Variants in FAM184B observed in about 807,000 individuals in gnomAD.
The protein encoded by FAM184B is family with sequence similarity 184 member B, also known as protein FAM184B.
FAM184B carries 111 observed loss-of-function variants against 135.9 expected under a neutral mutation model. The observed-to-expected ratio is 0.82, with a 90% confidence interval of 0.70 to 0.96. FAM184B has a LOEUF of 0.96. FAM184B is among the 40% of genes least tolerant of loss of function. The probability of loss-of-function intolerance (pLI) is 0.00; values close to 1 mark genes in which losing one functional copy is unlikely to be tolerated. For missense variants in FAM184B, 1,375 were observed against 1,323.9 expected, an observed-to-expected ratio of 1.04 and a Z score of -0.60; for synonymous variants, 552 against 524.8, an observed-to-expected ratio of 1.05 and a Z score of -0.71.
At chr4:17,720,655 A>AG (rs781360678) in intron 1 of FAM184B, among the ~76,000 whole-genome samples, 136 of 152,038 alleles carry the variant, frequency 8.9e-4, no homozygotes, top group Admixed American at 2.1e-3. Flanking sequence ...TGGGAGGCTG[A>AG]GGGGGGCAGA....
intron 7 of FAM184B, among the ~76,000 whole-genome samples, chr4:17,665,057 A>G (rs1169785377): frequency 3.1e-4 from 47 of 152,226 alleles, no homozygotes; most frequent in Admixed American, 3.1e-3. Flanking sequence ...GGTTCCATGC[A>G]TAACCCTCAG....
At chr4:17,779,119 C>A (rs945249148) in intron 1 of FAM184B, among the ~76,000 whole-genome samples, 9 of 151,878 alleles carry the variant, frequency 5.9e-5, no homozygotes, top group Non-Finnish European at 1.0e-4. Context: ...TGATAGAAGG[C>A]AAGAATGGAA....
At chr4:17,750,999 C>T (rs1718278654) in intron 1 of FAM184B, among the ~76,000 whole-genome samples, 1 of 152,104 alleles carries the variant, frequency 6.6e-6, no homozygotes, top group Non-Finnish European at 1.5e-5. Context: ...GAGAAAGATT[C>T]ACTTACTGAT....
At chr4:17,651,273 C>T (rs1715608065) in intron 11 of FAM184B, among the ~76,000 whole-genome samples, 1 of 152,152 alleles carries the variant, frequency 6.6e-6, no homozygotes. Flanking sequence ...CGCAGTGGCT[C>T]ACGCCTGTAA....
intron 13 of FAM184B, among the ~76,000 whole-genome samples, chr4:17,640,455 G>A (rs1715277183): frequency 6.8e-6 from 1 of 147,432 alleles, no homozygotes; most frequent in Non-Finnish European, 1.5e-5. Flanking sequence ...CTGCACTCCA[G>A]CCTGGGCAAA....
chr4:17,774,959 G>A (rs767043468), intron 1 of FAM184B, among the ~76,000 whole-genome samples: 12 of 146,000 alleles, frequency 8.2e-5, no homozygotes, highest in South Asian at 2.2e-4. Context: ...CAGCTTCGAT[G>A]TGCATTTCCT....
chr4:17,729,016 G>A (rs1311830246), intron 1 of FAM184B, among the ~76,000 whole-genome samples: 6 of 152,216 alleles, frequency 3.9e-5, no homozygotes, highest in Non-Finnish European at 8.8e-5. Context: ...AGGGGTGACA[G>A]ACGGCACCTG....
intron 1 of FAM184B, among the ~76,000 whole-genome samples, chr4:17,745,449 G>C (rs1409152832): frequency 6.6e-6 from 1 of 152,140 alleles, no homozygotes; most frequent in South Asian, 2.1e-4. Flanking sequence ...TAGGTACCGC[G>C]GCCGGGCTAT....
intron 13 of FAM184B, among the ~76,000 whole-genome samples, chr4:17,641,377 G>A (rs1453806915): frequency 6.7e-6 from 1 of 150,154 alleles, no homozygotes; most frequent in East Asian, 2.0e-4. Context: ...CACCGTCTCC[G>A]TAAGGTTGGA....
chr4:17,772,892 T>A (rs546723337), intron 1 of FAM184B, among the ~76,000 whole-genome samples: 4 of 152,304 alleles, frequency 2.6e-5, no homozygotes, highest in African/African-American at 9.6e-5. Flanking sequence ...TATAGGCAGA[T>A]CACTCCAGGA....
chr4:17,781,149 C>T lies in FAM184B; in HGVS notation c.141+10G>A. ...CGTGCAGCTCGCTGGCCCGCTGCGC[C>T]CCACCTTACCTTGGTGAGCTGGGCG... On this transcript the variant is annotated intron_variant, in intron 1 of 17. Transcript: ENST00000265018. This position sits in a 1 kb window ranked among gnomAD's most constrained non-coding sequence, Gnocchi z 6.5. The T allele has an allele frequency of 2.0e-6, 3 of 1,533,952 alleles. No individual in the cohort carries two copies. The highest frequency in any genetic ancestry group is 1.8e-6 in the Non-Finnish European group (2 of 1,137,500).
chr4:17,637,183 C>T (rs923073655), intron 14 of FAM184B, among the ~76,000 whole-genome samples: 3 of 152,206 alleles, frequency 2.0e-5, no homozygotes, highest in South Asian at 2.1e-4. Context: ...CGCGCGCCAC[C>T]GTGCCAGGGA....
chr4:17,636,401 CAAGA>C, intron 15 of FAM184B, 123 bp downstream of exon 15: 1 of 771,834 alleles, frequency 1.3e-6, no homozygotes, highest in Non-Finnish European at 2.1e-6. Flanking sequence ...CCGCGCACGG[CAAGA>C]AAGGATTCTT....
At chr4:17,688,562 T>G in intron 6 of FAM184B, 31 bp from the exon 7 acceptor site, 1 of 1,487,650 alleles carries the variant, frequency 6.7e-7, no homozygotes, top group Non-Finnish European at 9.1e-7. Context: ...CACCACACAA[T>G]GAAACCAGGT....
chr4:17,633,857 A>T lies in FAM184B; in HGVS notation c.2921T>A (p.Val974Glu). ...GGAGGCGAGGTTCGGCACGCTGACC[A>T]CGCGGCTGGGCACGTCCTCCACCTT... ...KKKVEDVPSR[V>E]VSVPNLASYA... The change falls in exon 17 of 18, where the codon GTG becomes GAG. Residue 974 changes from valine (V) to glutamate (E), a missense_variant. By Grantham distance (121) the Val-to-Glu change is moderately radical. Transcript: ENST00000265018. 1 of 1,551,042 alleles carries T rather than the reference A, an allele frequency of 6.4e-7. No individual in the cohort carries two copies. Among genetic ancestry groups the T allele is most frequent in the Non-Finnish European group, 8.7e-7 (1 of 1,146,756 alleles).
At chr4:17,724,277 C>T (rs527775208) in intron 1 of FAM184B, among the ~76,000 whole-genome samples, 1 of 152,192 alleles carries the variant, frequency 6.6e-6, no homozygotes, top group Admixed American at 6.5e-5. Flanking sequence ...TTTATGCATT[C>T]TCTAATTTTT....
chr4:17,740,991 G>A (rs1718020865), intron 1 of FAM184B, among the ~76,000 whole-genome samples: 1 of 152,160 alleles, frequency 6.6e-6, no homozygotes, highest in South Asian at 2.1e-4. Flanking sequence ...TAAGGAGAAA[G>A]CAGTTACCCT....
intron 10 of FAM184B, among the ~76,000 whole-genome samples, chr4:17,655,155 T>C (rs1715752969): frequency 6.6e-6 from 1 of 152,216 alleles, no homozygotes; most frequent in African/African-American, 2.4e-5. Flanking sequence ...TGCGAGTTTA[T>C]TTAATAAAAC....
At chr4:17,705,254 A>G (rs1199370910) in intron 4 of FAM184B, 48 bp from the exon 5 acceptor site, 1 of 1,392,158 alleles carries the variant, frequency 7.2e-7, no homozygotes, top group African/African-American at 1.4e-5. Flanking sequence ...AGGGGTGAGG[A>G]GCAAGGAATC....
Sources: allele counts gnomAD v4.1 joint callset (sites outside exome capture counted in the v4.1 genomes callset), GRCh38; gene constraint gnomAD v4.1.1; non-coding constraint Gnocchi (gnomAD v3.1); transcripts MANE v1.5; gene names NCBI Gene and HGNC (gene_info 2026-07-23, HGNC 2026-07-21).